UBE3A: variants seen among roughly 807,000 people sequenced by gnomAD.
UBE3A encodes ubiquitin-protein ligase E3A.
In UBE3A, 6 loss-of-function variants were observed where a neutral mutation model predicts 83.4. That is an observed-to-expected ratio of 0.07 (90% CI 0.04 to 0.14). UBE3A has a LOEUF of 0.14. Among genes scored for constraint, UBE3A ranks in the 10% least tolerant of loss-of-function variants. The pLI is 1.00. For synonymous variants in UBE3A, 337 were observed against 355.4 expected (o/e 0.95, Z 0.58); for missense variants, 456 against 1,036.1 (o/e 0.44, Z 7.69).
At chr15:25,355,428 G>C (rs1424320562) in intron 9 of UBE3A, among the ~76,000 whole-genome samples, 1 of 152,024 alleles carries the variant, frequency 6.6e-6, no homozygotes, top group Non-Finnish European at 1.5e-5. Flanking sequence ...GTTATGTTCT[G>C]GGTTATTCCC....
At chr15:25,355,845 GA>G in intron 9 of UBE3A, 46 bp downstream of exon 9, 1 of 1,546,378 alleles carries the variant, frequency 6.5e-7, no homozygotes. Context: ...TACATGCTTT[GA>G]AAGTGTTAAT....
chr15:25,357,565 C>T (rs1429794950), intron 7 of UBE3A: 1 of 152,348 alleles, frequency 6.6e-6, no homozygotes, highest in Non-Finnish European at 1.5e-5. Context: ...CCAGGATGGT[C>T]TCAACCTCTT....
At chr15:25,380,987 G>T (rs1398030614) in intron 4 of UBE3A, among the ~76,000 whole-genome samples, 1 of 152,176 alleles carries the variant, frequency 6.6e-6, no homozygotes, top group Non-Finnish European at 1.5e-5. Context: ...GTCATACTTG[G>T]AAGATCAGAG....
Position 25,354,415 on chromosome 15 carries a change from G to C in UBE3A, c.2292C>G (p.Phe764Leu). 6.2e-7 allele frequency: 1 copy of C among 1,613,902 alleles called. No individual in the cohort carries two copies. The highest frequency in any genetic ancestry group is 8.5e-7 in the Non-Finnish European group (1 of 1,179,924). The part of the protein sequence containing the change: ...LLICGSRNLD[F>L]QALEETTEYD... The stretch of plus-strand genomic sequence containing the variant: ...ATTCTGTAGTTTCTTCTAGTGCTTG[G>C]AAATCTAGATTCTGCAAATTCAAGA... Residue 764 changes from phenylalanine (F) to leucine (L), a missense_variant, in exon 11 of 13, where the codon TTC (phenylalanine) becomes TTG (leucine). Transcript: ENST00000648336.
chr15:25,355,876 T>C lies in UBE3A; in HGVS notation c.2124+16A>G, dbSNP rs1198781112. On this transcript the variant is annotated intron_variant, in intron 9 of 12. Transcript: ENST00000648336. The stretch of plus-strand genomic sequence containing the variant: ...GTTAATGAAGAGACAAAATGTGACA[T>C]AAAAACATTTATTACCTTCCTGTTT... The C allele has an allele frequency of 1.9e-6, 3 of 1,607,458 alleles. No individual in the cohort carries two copies. Among genetic ancestry groups the C allele is most frequent in the East Asian group, 2.2e-5 (1 of 44,728 alleles).
At chr15:25,348,755 A>T (rs750539959) in intron 11 of UBE3A, among the ~76,000 whole-genome samples, 1 of 152,214 alleles carries the variant, frequency 6.6e-6, no homozygotes, top group Non-Finnish European at 1.5e-5. Flanking sequence ...CTAACCAAAG[A>T]GTACATGATT....
intron 11 of UBE3A, among the ~76,000 whole-genome samples, chr15:25,350,378 C>T (rs1172778574): frequency 6.6e-6 from 1 of 151,458 alleles, no homozygotes; most frequent in Non-Finnish European, 1.5e-5. Flanking sequence ...ATCAAAAACC[C>T]TGAATTATTC....
In UBE3A at chr15:25,371,228, C is replaced by T. The variant is rs774629852; in HGVS notation, c.946G>A (p.Ala316Thr). The T allele has an allele frequency of 1.2e-6, 2 of 1,614,138 alleles. No homozygotes were observed. The highest frequency in any genetic ancestry group is 8.5e-7 in the Non-Finnish European group (1 of 1,180,030). ...FCKAMSKLPL[A>T]AQGKLIRLWS... ...AGTCTGATCAGTTTTCCTTGGGCTGCAAGGGGTAGCTTGCTCATCGCTTTG... is the reference window on the plus strand; with the variant it reads ...AGTCTGATCAGTTTTCCTTGGGCTGTAAGGGGTAGCTTGCTCATCGCTTTG... The change falls in exon 6 of 13, where the codon GCA becomes ACA. Residue 316 changes from alanine (A) to threonine (T), a missense_variant. Ala to Thr is a moderately conservative substitution (Grantham distance 58, BLOSUM62 0). This residue lies in a region of UBE3A where 40 missense variants were observed against 124.8 expected (regional missense o/e 0.32). Coordinates refer to ENST00000648336, the MANE Select transcript of UBE3A (RefSeq NM_130839.5). The surrounding 1 kb of genome is among the most constrained non-coding windows in gnomAD (Gnocchi z 5.3).
chr15:25,407,159 A>G (rs781163963), intron 3 of UBE3A: 1 of 1,348,334 alleles, frequency 7.4e-7, no homozygotes, highest in South Asian at 1.1e-5. Flanking sequence ...TGATAACCCC[A>G]TGTACCAGCT....
At chr15:25,339,832 A>C (rs899959164) in intron 12 of UBE3A, 6 of 505,280 alleles carry the variant, frequency 1.2e-5, no homozygotes, top group Non-Finnish European at 2.1e-5. Context: ...GCTGGGAATC[A>C]AAAAAGTAAA....
chr15:25,356,661 A>T, intron 8 of UBE3A, 30 bp downstream of exon 8: 1 of 1,600,572 alleles, frequency 6.2e-7, no homozygotes, highest in Non-Finnish European at 8.5e-7. Context: ...AATCTAAGAG[A>T]CTGAATTAAA....
At chr15:25,405,153 G>A (rs1048876898) in intron 4 of UBE3A, among the ~76,000 whole-genome samples, 1 of 146,674 alleles carries the variant, frequency 6.8e-6, no homozygotes, top group East Asian at 1.9e-4. Flanking sequence ...AATATGGTAG[G>A]CGTTGAGACT....
intron 11 of UBE3A, among the ~76,000 whole-genome samples, chr15:25,353,462 C>T (rs1054421769): frequency 2.0e-5 from 3 of 152,126 alleles, no homozygotes; most frequent in African/African-American, 7.2e-5. Context: ...AAAGTCAGCC[C>T]TCTGTATATG....
intron 7 of UBE3A, chr15:25,357,406 T>C (rs988219938): frequency 1.3e-5 from 2 of 155,956 alleles, no homozygotes; most frequent in African/African-American, 4.8e-5. Flanking sequence ...TGGGCTGGAG[T>C]GGCACGATCT....
intron 11 of UBE3A, among the ~76,000 whole-genome samples, chr15:25,341,975 C>T (rs949252193): frequency 6.6e-6 from 1 of 152,056 alleles, no homozygotes; most frequent in Admixed American, 6.6e-5. Flanking sequence ...GAATTCTTGG[C>T]TTTCTCCAAT....
intron 7 of UBE3A, among the ~76,000 whole-genome samples, chr15:25,357,166 GTTAA>G (rs1402828202): frequency 6.6e-6 from 1 of 151,948 alleles, no homozygotes; most frequent in African/African-American, 2.4e-5. Flanking sequence ...AGAAAAATAC[GTTAA>G]TTAAATTCAA....
intron 11 of UBE3A, among the ~76,000 whole-genome samples, chr15:25,340,727 AC>A (rs573216933): frequency 5.8e-4 from 89 of 152,216 alleles, no homozygotes; most frequent in African/African-American, 2.1e-3. Flanking sequence ...AGAAAAAAAG[AC>A]CCCCTGCCCC....
At chr15:25,420,893 T>C (rs1002675418) in intron 1 of UBE3A, 4 of 152,182 alleles carry the variant, frequency 2.6e-5, no homozygotes, top group Non-Finnish European at 5.9e-5. Context: ...AGTTAAAAGT[T>C]ACAAAGAGTC....
At chr15:25,427,133 T>C (rs772629584) in intron 1 of UBE3A, among the ~76,000 whole-genome samples, 5 of 152,120 alleles carry the variant, frequency 3.3e-5, no homozygotes, top group Non-Finnish European at 5.9e-5. Flanking sequence ...TGAACACTTA[T>C]ACATTCAGCA....
Sources: gnomAD v4.1 joint callset for allele counts (sites outside exome capture counted in the v4.1 genomes callset) on GRCh38, gnomAD v4.1.1 for gene constraint, gnomAD v4.1.1 regional missense constraint, Gnocchi (gnomAD v3.1) non-coding constraint, MANE v1.5 for transcripts, NCBI Gene and HGNC (gene_info 2026-07-23, HGNC 2026-07-21) for gene names.